The following ATP13A4 variants were observed in gnomAD, a reference collection of about 807,000 sequenced individuals.
ATP13A4 encodes ATPase 13A4.
A neutral mutation model predicts 142.5 loss-of-function variants in ATP13A4; 114 were observed. The ratio of observed to expected loss-of-function variants is 0.80; its 90% CI spans 0.69 to 0.93. ATP13A4 has a LOEUF of 0.93. ATP13A4 is among the 40% of genes least tolerant of loss of function. The pLI is 0.00. For synonymous variants in ATP13A4, 488 were observed against 514.8 expected (o/e 0.95, Z 0.70); for missense variants, 1,392 against 1,454.0 (o/e 0.96, Z 0.69).
chr3:193,485,243 G>T (rs1489311518), intron 7 of ATP13A4, among the ~76,000 whole-genome samples: 2 of 151,914 alleles, frequency 1.3e-5, no homozygotes, highest in African/African-American at 4.9e-5. Flanking sequence ...GGAGATGCTG[G>T]GTGAATGAAG....
chr3:193,545,899 GA>G (rs890869996), intron 1 of ATP13A4, among the ~76,000 whole-genome samples: 3 of 147,458 alleles, frequency 2.0e-5, no homozygotes, highest in African/African-American at 5.0e-5. Flanking sequence ...ACAGCACTTT[GA>G]AAAAAAAATG....
chr3:193,467,990 C>T (rs946143663), intron 9 of ATP13A4, among the ~76,000 whole-genome samples: 2 of 151,978 alleles, frequency 1.3e-5, no homozygotes, highest in Non-Finnish European at 2.9e-5. Context: ...ACCAGCCTGA[C>T]CGACATGGAG....
chr3:193,565,790 T>C (rs1343867836), intron 2 of ATP13A4, among the ~76,000 whole-genome samples: 3 of 152,194 alleles, frequency 2.0e-5, no homozygotes, highest in South Asian at 2.1e-4. Flanking sequence ...TGGTTAAGTA[T>C]TTAAAAACAG....
At chr3:193,488,012 C>T (rs1293654129) in intron 7 of ATP13A4, among the ~76,000 whole-genome samples, 1 of 152,082 alleles carries the variant, frequency 6.6e-6, no homozygotes, top group Non-Finnish European at 1.5e-5. Flanking sequence ...GCCTGTAATC[C>T]CAGCACTTTG....
chr3:193,536,033 A>C (rs555196379), intron 1 of ATP13A4, among the ~76,000 whole-genome samples: 1 of 152,098 alleles, frequency 6.6e-6, no homozygotes, highest in African/African-American at 2.4e-5. Flanking sequence ...ATACAGTTCC[A>C]CTGAAAAAAA....
rs1718180743 is a variant in ATP13A4 at position 193,464,992 on chromosome 3, C to T, written c.1409G>A (p.Ser470Asn). The T allele has an allele frequency of 6.2e-7, 1 of 1,613,994 alleles. No individual in the cohort carries two copies. The highest frequency in any genetic ancestry group is 1.3e-5 in the African/African-American group (1 of 74,912). ...TCCACATACGTTGATCCTCTGGGGG[C>T]TAATGCAGAAGATGCCTCTCTTCTT... ...RLKKRGIFCI[S>N]PQRINVCGQL... The change falls in exon 12 of 30, where the codon AGC becomes AAC. Residue 470 changes from serine to asparagine, a missense_variant. Ser to Asn is a conservative substitution (Grantham distance 46). Transcript: ENST00000342695.
chr3:193,521,351 A>T (rs962241828), intron 1 of ATP13A4, among the ~76,000 whole-genome samples: 2 of 152,208 alleles, frequency 1.3e-5, no homozygotes, highest in East Asian at 3.9e-4. Context: ...AATAATTTGC[A>T]ATTGACTTGG....
chr3:193,416,476 G>A (rs1260973249), intron 25 of ATP13A4, among the ~76,000 whole-genome samples: 3 of 152,062 alleles, frequency 2.0e-5, no homozygotes, highest in Non-Finnish European at 2.9e-5. Flanking sequence ...AAATGAGAAT[G>A]TCAGTAAAAA....
At chr3:193,410,036 G>T (rs1048033104) in intron 28 of ATP13A4, among the ~76,000 whole-genome samples, 1 of 152,138 alleles carries the variant, frequency 6.6e-6, no homozygotes, top group African/African-American at 2.4e-5. Flanking sequence ...TGCATTTCTT[G>T]ATCTAAAGAT....
chr3:193,424,088 A>G (rs1425347566), intron 25 of ATP13A4, among the ~76,000 whole-genome samples: 1 of 149,494 alleles, frequency 6.7e-6, no homozygotes, highest in Admixed American at 7.0e-5. Flanking sequence ...CAGCTACACC[A>G]CAAAAAATAA....
intron 1 of ATP13A4, among the ~76,000 whole-genome samples, chr3:193,517,203 G>C (rs543134201): frequency 6.6e-6 from 1 of 152,132 alleles, no homozygotes; most frequent in African/African-American, 2.4e-5. Context: ...ACAAATGTTT[G>C]TTACATGTCC....
chr3:193,584,540 G>A (rs1365975554), intron 1 of ATP13A4, among the ~76,000 whole-genome samples: 4 of 151,932 alleles, frequency 2.6e-5, no homozygotes, highest in African/African-American at 9.7e-5. Flanking sequence ...CTCTTTGCCT[G>A]TTATGCTCAT....
chr3:193,407,603 T>C (rs1714569722), intron 28 of ATP13A4, among the ~76,000 whole-genome samples: 1 of 152,132 alleles, frequency 6.6e-6, no homozygotes, highest in Non-Finnish European at 1.5e-5. Context: ...TCCTAATGAT[T>C]TGGGGGGGTT....
chr3:193,584,491 C>T (rs1162039413), intron 1 of ATP13A4, among the ~76,000 whole-genome samples: 2 of 152,122 alleles, frequency 1.3e-5, no homozygotes, highest in Non-Finnish European at 2.9e-5. Context: ...CAATAGGAAA[C>T]GAATACCAGC....
rs561510713 is a variant in ATP13A4, at chr3:193,475,754, C to T, written c.809-4761G>A. Among the ~76,000 whole-genome samples, 114 of 152,092 alleles carry T rather than the reference C, an allele frequency of 7.5e-4. 1 individual carries two copies. The highest frequency in any genetic ancestry group is 2.7e-3 in the African/African-American group (112 of 41,444). On this transcript the variant is annotated intron_variant, in intron 8 of 29. Transcript: ENST00000342695. ...TAAACCTATCAAGTTGCTGGCATAA[C>T]CAACAGAAAACTATTTTGAGTGACT...
intron 26 of ATP13A4, among the ~76,000 whole-genome samples, chr3:193,413,154 T>C (rs1257385387): frequency 6.6e-6 from 1 of 152,142 alleles, no homozygotes; most frequent in African/African-American, 2.4e-5. Context: ...TTCCCAAAAT[T>C]AATACTTTTA....
At chr3:193,458,980 T>G (rs1717792888) in intron 14 of ATP13A4, 101 bp downstream of exon 14, 1 of 1,535,148 alleles carries the variant, frequency 6.5e-7, no homozygotes, top group Non-Finnish European at 9.0e-7. Context: ...TACTCCACAT[T>G]GGAAACCTCA....
intron 1 of ATP13A4, among the ~76,000 whole-genome samples, chr3:193,540,351 G>A (rs1279384814): frequency 6.6e-6 from 1 of 151,776 alleles, no homozygotes; most frequent in Non-Finnish European, 1.5e-5. Context: ...ATGGTGAATA[G>A]CAAATGTGGC....
intron 23 of ATP13A4, among the ~76,000 whole-genome samples, chr3:193,437,219 C>G (rs894411724): frequency 6.7e-6 from 1 of 149,766 alleles, no homozygotes; most frequent in Non-Finnish European, 1.5e-5. Flanking sequence ...GAGAGGTTCT[C>G]TAAGCAATAA....
Sources: gnomAD v4.1 joint callset for allele counts (sites outside exome capture counted in the v4.1 genomes callset) on GRCh38, gnomAD v4.1.1 for gene constraint, MANE v1.5 for transcripts, NCBI Gene and HGNC (gene_info 2026-07-23, HGNC 2026-07-21) for gene names.